Variants in CSGALNACT1 observed in about 807,000 individuals in gnomAD.
CSGALNACT1 encodes beta4GalNAcT-1.
CSGALNACT1 carries 52 observed loss-of-function variants against 51.0 expected under a neutral mutation model. The observed-to-expected ratio is 1.02, with a 90% confidence interval of 0.82 to 1.29. The LOEUF is 1.29. CSGALNACT1 is among the 50% of genes most tolerant of loss of function. The pLI is 0.00. For synonymous variants in CSGALNACT1, 341 were observed against 254.4 expected, an observed-to-expected ratio of 1.34 and a Z score of -3.24; for missense variants, 935 against 679.2, an observed-to-expected ratio of 1.38 and a Z score of -4.19.
At chr8:19,430,947 T>A (rs1372343427) in intron 6 of CSGALNACT1, among the ~76,000 whole-genome samples, 1 of 152,168 alleles carries the variant, frequency 6.6e-6, no homozygotes, top group Admixed American at 6.5e-5. Context: ...TATATTACTA[T>A]GAAAATTGTT....
chr8:19,755,107 G>GA (rs2065272953), intron 1 of CSGALNACT1, among the ~76,000 whole-genome samples: 2 of 152,150 alleles, frequency 1.3e-5, no homozygotes, highest in Non-Finnish European at 1.5e-5. Flanking sequence ...TAGACATGGA[G>GA]GAAAGAGGAA....
upstream of CSGALNACT1, among the ~76,000 whole-genome samples, chr8:19,607,102 C>T (rs1458100250): frequency 1.3e-5 from 2 of 151,564 alleles, no homozygotes; most frequent in Non-Finnish European, 2.9e-5. Context: ...GTGCAGCGAG[C>T]TGAGAACGCG....
intron 5 of CSGALNACT1, among the ~76,000 whole-genome samples, chr8:19,450,531 C>A (rs960443020): frequency 6.6e-6 from 1 of 152,156 alleles, no homozygotes; most frequent in Non-Finnish European, 1.5e-5. Context: ...GAGGGTCCCA[C>A]ATCAGCCAGG....
intron 3 of CSGALNACT1, among the ~76,000 whole-genome samples, chr8:19,569,279 T>C (rs1229780029): frequency 6.6e-6 from 1 of 152,170 alleles, no homozygotes; most frequent in Non-Finnish European, 1.5e-5. Context: ...GATCCTGCTG[T>C]TAAGATAGGT....
intron 3 of CSGALNACT1, among the ~76,000 whole-genome samples, chr8:19,570,022 T>G (rs2042671091): frequency 6.6e-6 from 1 of 151,984 alleles, no homozygotes; most frequent in Non-Finnish European, 1.5e-5. Flanking sequence ...CTGATTAGAT[T>G]AGAGGTCCAA....
At chr8:19,505,211 A>G in exon 4 of CSGALNACT1, 3 of 1,614,138 alleles carry the variant, frequency 1.9e-6, no homozygotes, top group Non-Finnish European at 2.5e-6. Context: ...CTTCTATGAA[A>G]TCAGAGGCCG....
intron 1 of CSGALNACT1, chr8:19,732,330 A>G: frequency 6.6e-6 from 1 of 152,134 alleles, no homozygotes; most frequent in East Asian, 1.9e-4. Flanking sequence ...AAATACATCC[A>G]ATTAAAATCA....
At chr8:19,420,884 G>A (rs1183816927) in intron 6 of CSGALNACT1, among the ~76,000 whole-genome samples, 1 of 152,192 alleles carries the variant, frequency 6.6e-6, no homozygotes, top group African/African-American at 2.4e-5. Context: ...AACCGAATGA[G>A]GCCACTGAGC....
intron 4 of CSGALNACT1, among the ~76,000 whole-genome samples, chr8:19,498,996 G>T (rs2075966901): frequency 6.6e-6 from 1 of 152,030 alleles, no homozygotes; most frequent in African/African-American, 2.4e-5. Context: ...CACACCTGTA[G>T]CCCAGCTGCT....
rs191412747 is a variant in CSGALNACT1, at chr8:19,549,207, C to A, written c.-297+41953G>T. On this transcript the variant is annotated intron_variant, in intron 3 of 9. Transcript: ENST00000454498. ...TACTTTTTCAACACACTTTTCCTCT[C>A]CATCCTCTCCCCTCGAAAATCCAAT... Among the ~76,000 whole-genome samples, 449 of 152,182 alleles carry A rather than the reference C, an allele frequency of 3.0e-3. 9 individuals are homozygous for A. The South Asian group carries it at 0.058, about 20-fold the overall frequency.
chr8:19,575,405 C>G (rs2154115284), intron 3 of CSGALNACT1, among the ~76,000 whole-genome samples: 1 of 152,290 alleles, frequency 6.6e-6, no homozygotes, highest in South Asian at 2.1e-4. Flanking sequence ...ATAACTGAAG[C>G]TGAATCTAAT....
intron 4 of CSGALNACT1, among the ~76,000 whole-genome samples, chr8:19,471,898 A>G (rs894501490): frequency 6.6e-6 from 1 of 152,154 alleles, no homozygotes; most frequent in Non-Finnish European, 1.5e-5. Context: ...TTCTCCCTCA[A>G]TGCTGTCTCT....
At chr8:19,666,839 A>G (rs866827562) in intron 1 of CSGALNACT1, among the ~76,000 whole-genome samples, 1,241 of 57,684 alleles carry the variant, frequency 0.022, 58 homozygotes, top group East Asian at 0.038. Context: ...GAGAGAAAGA[A>G]AGAAAGAAAG....
At chr8:19,519,199 G>T (rs1230785455) in intron 3 of CSGALNACT1, among the ~76,000 whole-genome samples, 2 of 152,148 alleles carry the variant, frequency 1.3e-5, no homozygotes, top group Non-Finnish European at 2.9e-5. Context: ...GGGGGTGGGG[G>T]TCTACCAAGT....
intron 6 of CSGALNACT1, 80 bp from the exon 6 acceptor site, chr8:19,420,598 C>G: frequency 7.0e-7 from 1 of 1,419,070 alleles, no homozygotes; most frequent in Non-Finnish European, 1.0e-6. Context: ...AATCAGGGCC[C>G]ATCCACATCT....
intron 1 of CSGALNACT1, among the ~76,000 whole-genome samples, chr8:19,636,626 C>T (rs745623642): frequency 3.3e-5 from 5 of 152,150 alleles, no homozygotes; most frequent in African/African-American, 9.7e-5. Context: ...TTTCCAAAAT[C>T]GATGTTCACA....
chr8:19,748,421 T>A (rs1472947870), intron 1 of CSGALNACT1, among the ~76,000 whole-genome samples: 5 of 152,126 alleles, frequency 3.3e-5, no homozygotes, highest in Admixed American at 2.0e-4. Flanking sequence ...TTTAAAAAAC[T>A]AAGAATAGAA....
At position 19,534,159 on chromosome 8, in the gene CSGALNACT1, G is replaced by A. The variant is rs138205294; in HGVS notation, c.-296-28029C>T. ...AGTTCATAGTTCAATGTAATATTAA[G>A]TTGCATATGAGGCCGGGTGTGGTGG... On this transcript the variant is annotated intron_variant, in intron 3 of 9. Coordinates refer to ENST00000454498, the Ensembl canonical transcript of CSGALNACT1. 1.5e-3 allele frequency among the ~76,000 whole-genome samples: 233 copies of A among 152,280 alleles called. 5 individuals are homozygous for A. In the East Asian group the frequency reaches 0.043, roughly 28 times the overall value.
At chr8:19,612,477 C>T (rs1222092414) in intron 1 of CSGALNACT1, among the ~76,000 whole-genome samples, 2 of 152,116 alleles carry the variant, frequency 1.3e-5, no homozygotes, top group African/African-American at 2.4e-5. Flanking sequence ...TCACTATTTC[C>T]TCAAGATCAT....
Sources: allele counts gnomAD v4.1 joint callset (sites outside exome capture counted in the v4.1 genomes callset), GRCh38; gene constraint gnomAD v4.1.1; transcripts MANE v1.5; gene names NCBI Gene and HGNC (gene_info 2026-07-23, HGNC 2026-07-21).